AP3M1: variants seen among roughly 807,000 people sequenced by gnomAD.
AP3M1 encodes adaptor related protein complex 3 subunit mu 1.
A neutral mutation model predicts 42.6 loss-of-function variants in AP3M1; 29 were observed. That is an observed-to-expected ratio of 0.68 (90% CI 0.51 to 0.93). AP3M1 has a LOEUF of 0.93. AP3M1 is among the 40% of genes least tolerant of loss of function. AP3M1 has a pLI of 0.00. For missense variants in AP3M1, 416 were observed against 510.2 expected (o/e 0.82, Z 1.78); for synonymous variants, 178 against 175.3 (o/e 1.02, Z -0.12).
chr10:74,147,010 G>A (rs1236114131), intron 1 of AP3M1, among the ~76,000 whole-genome samples: 1 of 152,178 alleles, frequency 6.6e-6, no homozygotes, highest in African/African-American at 2.4e-5. Flanking sequence ...TCAGCTGGGC[G>A]TGGTGCTCAC....
chr10:74,125,552 ATG>A (rs1479156671), intron 7 of AP3M1, among the ~76,000 whole-genome samples: 2 of 152,184 alleles, frequency 1.3e-5, no homozygotes, highest in Admixed American at 6.5e-5. Context: ...TTCAAAAAAC[ATG>A]TCTTTTCATT....
At chr10:74,137,813 G>C (rs1458661791) in intron 2 of AP3M1, among the ~76,000 whole-genome samples, 2 of 152,160 alleles carry the variant, frequency 1.3e-5, no homozygotes, top group Non-Finnish European at 2.9e-5. Flanking sequence ...GTTTGTACAT[G>C]TTCAGTTCGA....
chr10:74,140,070 G>T (rs959194421), intron 1 of AP3M1, among the ~76,000 whole-genome samples: 7 of 152,164 alleles, frequency 4.6e-5, no homozygotes, highest in African/African-American at 1.7e-4. Context: ...CCCTGGCCAG[G>T]GTGCTTGGGA....
intron 6 of AP3M1, 101 bp downstream of exon 6, chr10:74,129,007 G>A (rs1840697745): frequency 7.1e-7 from 1 of 1,400,892 alleles, no homozygotes; most frequent in African/African-American, 1.4e-5. Context: ...GTTAAAGTGA[G>A]CAGTGATGAC....
rs756372672 is a variant in AP3M1 at position 74,126,326 on chromosome 10, T to C, written c.833A>G (p.His278Arg). ...ACTGTTCTCCTTAAAGCTGATACTA[T>C]GTTTCACATACACTGGTATTGCCAC... ...NLVAIPVYVK[H>R]SISFKENSSC... Residue 278 changes from histidine to arginine, a missense_variant, in exon 7 of 9, where the codon CAT (histidine) becomes CGT (arginine). Transcript: ENST00000355264. 1 of 1,614,134 alleles carries C rather than the reference T, an allele frequency of 6.2e-7. No individual in the cohort carries two copies. The highest frequency in any genetic ancestry group is 1.7e-5 in the Admixed American group (1 of 60,030).
intron 4 of AP3M1, among the ~76,000 whole-genome samples, chr10:74,131,898 G>A (rs1165744703): frequency 1.3e-5 from 2 of 152,132 alleles, no homozygotes; most frequent in Non-Finnish European, 2.9e-5. Flanking sequence ...TCATGGAAGA[G>A]AAGATATTGA....
intron 3 of AP3M1, among the ~76,000 whole-genome samples, chr10:74,134,505 G>A (rs2131978598): frequency 6.6e-6 from 1 of 152,326 alleles, no homozygotes; most frequent in South Asian, 2.1e-4. Flanking sequence ...AAAACCTTCT[G>A]CCAATAAAAT....
Position 74,138,238 on chromosome 10 carries a change from C to T in AP3M1, c.142G>A (p.Val48Ile), listed in dbSNP as rs756661882. 2 of 1,613,982 alleles carry T rather than the reference C, an allele frequency of 1.2e-6. No individual in the cohort carries two copies. The highest frequency in any genetic ancestry group is 1.7e-6 in the Non-Finnish European group (2 of 1,180,016). Residue 48 changes from valine (V) to isoleucine (I), a missense_variant, in exon 2 of 9, where the codon GTC (valine) becomes ATC (isoleucine). Val to Ile is a conservative substitution (Grantham distance 29, BLOSUM62 3). Coordinates refer to ENST00000355264, the MANE Select transcript of AP3M1 (RefSeq NM_012095.6). Reference protein sequence around the residue: ...KAADVENVPPVISTPHHYLIS... With the variant: ...KAADVENVPPIISTPHHYLIS... ...AGGTAGTGGTGAGGTGTTGAAATGA[C>T]AGGTGGTACATTTTCAACATCAGCA...
intron 8 of AP3M1, 30 bp downstream of exon 8, chr10:74,124,350 C>A: frequency 6.3e-7 from 1 of 1,578,952 alleles, no homozygotes; most frequent in Non-Finnish European, 8.6e-7. Flanking sequence ...AACTCAATTA[C>A]CCTTAACTAC....
intron 6 of AP3M1, among the ~76,000 whole-genome samples, chr10:74,127,587 A>G (rs1840656358): frequency 6.6e-6 from 1 of 151,944 alleles, no homozygotes; most frequent in Non-Finnish European, 1.5e-5. Context: ...TGAACCCAGG[A>G]GGTAGAGGTT....
At chr10:74,138,622 C>T (rs1031321396) in intron 1 of AP3M1, among the ~76,000 whole-genome samples, 1 of 148,448 alleles carries the variant, frequency 6.7e-6, no homozygotes, top group African/African-American at 2.5e-5. Context: ...AAAAGAAAGC[C>T]ATTTAAGAAC....
At position 74,136,869 on chromosome 10, in the gene AP3M1, T is replaced by C. The variant is rs1020132788; in HGVS notation, c.274-66A>G. ...AAAGAAAGGCCTGCTAAATACTTTT[T>C]GTTCTGAAGAATAAACTTAGAGTAG... On this transcript the variant is annotated intron_variant, in intron 2 of 8. Transcript: ENST00000355264. 66 of 1,118,746 alleles carry C rather than the reference T, an allele frequency of 5.9e-5. No individual in the cohort carries two copies. In the African/African-American group the frequency reaches 8.3e-4, roughly 14 times the overall value. The allele number at this position is 1,118,746 out of a possible 1,614,324, so 69.3% of individuals were successfully genotyped here.
intron 6 of AP3M1, chr10:74,128,832 C>T (rs763712786): frequency 1.3e-5 from 4 of 307,608 alleles, no homozygotes; most frequent in African/African-American, 2.2e-5. Flanking sequence ...TGCAAAGGAC[C>T]GGTACCACAA....
intron 3 of AP3M1, 34 bp from the exon 4 acceptor site, chr10:74,134,198 G>A (rs1321989623): frequency 3.2e-6 from 5 of 1,572,452 alleles, no homozygotes; most frequent in African/African-American, 1.4e-5. Context: ...CAAAGCTGAT[G>A]TATAAAACAG....
chr10:74,122,689 C>G lies in AP3M1; in HGVS notation c.*1121G>C, dbSNP rs1840502882. On this transcript the variant is annotated 3_prime_UTR_variant, in exon 9 of 9. Coordinates refer to ENST00000355264, the MANE Select transcript of AP3M1 (RefSeq NM_012095.6). The stretch of plus-strand genomic sequence containing the variant: ...TTAAGCACTCCAGTGACAATTATGA[C>G]AATAGTTTCTGGAAGAAATCTATGA... The G allele has an allele frequency of 6.6e-6, 1 of 152,128 alleles. No individual in the cohort carries two copies. The highest frequency in any genetic ancestry group is 2.1e-4 in the South Asian group (1 of 4,836). 9.4% of individuals were successfully genotyped at this position (152,128 alleles called of 1,614,324 possible).
chr10:74,129,701 A>T (rs1018800922), intron 5 of AP3M1, among the ~76,000 whole-genome samples: 2 of 152,232 alleles, frequency 1.3e-5, no homozygotes, highest in African/African-American at 2.4e-5. Flanking sequence ...CCCTTCTAGC[A>T]CACTCAGGCA....
At chr10:74,133,962 G>A in intron 4 of AP3M1, 65 bp downstream of exon 4, 1 of 1,589,734 alleles carries the variant, frequency 6.3e-7, no homozygotes. Flanking sequence ...CAGGACTTCA[G>A]TTTTCTATTC....
At position 74,129,142 on chromosome 10, in the gene AP3M1, A is replaced by G. The variant is rs1276688703; in HGVS notation, c.769T>C (p.Phe257Leu). The change falls in exon 6 of 9, where the codon TTC (phenylalanine) becomes CTC (leucine). Residue 257 changes from phenylalanine to leucine, a missense_variant. By Grantham distance (22) the Phe-to-Leu change is conservative. Transcript: ENST00000355264. ...CTGACACGGTATGATATGAGTCGGA[A>G]ATTTCCATCTGGAGGAATAAATGAC... ...VLSFIPPDGNFRLISYRVSSQ... is the reference protein window; with the variant it reads ...VLSFIPPDGNLRLISYRVSSQ... 5 of 1,614,144 alleles carry G rather than the reference A, an allele frequency of 3.1e-6. No individual in the cohort carries two copies.
intron 4 of AP3M1, among the ~76,000 whole-genome samples, chr10:74,132,653 A>T (rs1400970685): frequency 6.6e-6 from 1 of 152,190 alleles, no homozygotes; most frequent in East Asian, 1.9e-4. Flanking sequence ...TCAAGGCTAC[A>T]GTAAGCAGGG....
Sources: gnomAD v4.1 joint callset for allele counts (sites outside exome capture counted in the v4.1 genomes callset) on GRCh38, gnomAD v4.1.1 for gene constraint, MANE v1.5 for transcripts, NCBI Gene and HGNC (gene_info 2026-07-23, HGNC 2026-07-21) for gene names.